The following MEGF11 variants were observed in gnomAD, a reference collection of about 807,000 sequenced individuals.
MEGF11 encodes the protein multiple epidermal growth factor-like domains protein 11.
Under a neutral mutation model 146.6 loss-of-function variants are expected in MEGF11, and 126 were observed. The observed-to-expected ratio is 0.86, with a 90% confidence interval of 0.74 to 1.00. The LOEUF is 1.00. Among genes scored for constraint, MEGF11 ranks in the 50% least tolerant of loss-of-function variants. MEGF11 has a pLI of 0.00. For missense variants in MEGF11, 1,509 were observed against 1,521.2 expected (o/e 0.99, Z 0.13); for synonymous variants, 532 against 583.4 (o/e 0.91, Z 1.27).
intron 2 of MEGF11, among the ~76,000 whole-genome samples, chr15:66,126,359 C>T (rs1177506691): frequency 6.6e-6 from 1 of 152,340 alleles, no homozygotes; most frequent in Non-Finnish European, 1.5e-5. Context: ...CCCAGAGAGT[C>T]CCCAGACCTC....
At chr15:66,198,010 A>G (rs11632965) in intron 1 of MEGF11, among the ~76,000 whole-genome samples, 1 of 152,216 alleles carries the variant, frequency 6.6e-6, no homozygotes, top group South Asian at 2.1e-4. Flanking sequence ...GGATCGCTAG[A>G]GCTCAGGAGT....
intron 3 of MEGF11, among the ~76,000 whole-genome samples, chr15:66,122,625 C>T (rs1462024068): frequency 2.0e-5 from 3 of 152,216 alleles, no homozygotes; most frequent in Non-Finnish European, 2.9e-5. Flanking sequence ...AACAGCTAGT[C>T]TCTCACCCTT....
chr15:65,898,441 CTG>C (rs1004717659), intron 25 of MEGF11: 15 of 981,626 alleles, frequency 1.5e-5, no homozygotes, highest in African/African-American at 5.3e-5. Context: ...TATCAACAAT[CTG>C]TGTGTGTGTG....
Position 65,929,742 on chromosome 15 carries a change from T to C in MEGF11, c.1550A>G (p.Asp517Gly). The C allele has an allele frequency of 6.4e-7, 1 of 1,552,046 alleles. No homozygotes were observed. Among genetic ancestry groups the C allele is most frequent in the Non-Finnish European group, 8.7e-7 (1 of 1,147,290 alleles). Residue 517 changes from aspartate to glycine, a missense_variant, in exon 12 of 26, where the codon GAC becomes GGC. Physicochemically the swap from Asp to Gly is moderately conservative, Grantham distance 94 (BLOSUM62 -1). Transcript: ENST00000395614. The part of the protein sequence containing the change: ...SCSCTPGWLG[D>G]TCELPCPDGT... ...CACCGGGCAAGGCAGCTCACAGGTG[T>C]CTCCCAGCCAGCCAGGAGTGCAGGA...
intron 7 of MEGF11, among the ~76,000 whole-genome samples, chr15:65,972,219 G>C (rs1777092421): frequency 6.6e-6 from 1 of 152,202 alleles, no homozygotes; most frequent in South Asian, 2.1e-4. Flanking sequence ...CAGTAGAACA[G>C]AGAAAATAGA....
chr15:66,199,275 A>T (rs1401153675), intron 1 of MEGF11, among the ~76,000 whole-genome samples: 1 of 152,232 alleles, frequency 6.6e-6, no homozygotes, highest in African/African-American at 2.4e-5. Context: ...AACTTCTTTT[A>T]TAAAGAGCAG....
At chr15:65,951,248 C>T (rs573841975) in intron 10 of MEGF11, among the ~76,000 whole-genome samples, 9 of 152,176 alleles carry the variant, frequency 5.9e-5, no homozygotes, top group South Asian at 2.1e-4. Context: ...TTCATAGATG[C>T]GATAGGGACT....
chr15:66,191,661 A>C (rs2090882461), intron 1 of MEGF11, among the ~76,000 whole-genome samples: 1 of 152,230 alleles, frequency 6.6e-6, no homozygotes, highest in African/African-American at 2.4e-5. Context: ...CAGCGGCCTC[A>C]GAGCAAGCCA....
At chr15:66,170,146 T>C (rs753434332) in intron 1 of MEGF11, among the ~76,000 whole-genome samples, 4 of 152,122 alleles carry the variant, frequency 2.6e-5, no homozygotes, top group Non-Finnish European at 4.4e-5. Flanking sequence ...ACAATAATAA[T>C]AGCAACAGGA....
intron 1 of MEGF11, among the ~76,000 whole-genome samples, chr15:66,156,695 G>A (rs1410351423): frequency 1.3e-5 from 2 of 152,120 alleles, no homozygotes; most frequent in Admixed American, 1.3e-4. Flanking sequence ...GTTAACCAGG[G>A]CTAGACACTA....
intron 5 of MEGF11, among the ~76,000 whole-genome samples, chr15:66,008,848 A>T (rs1193484405): frequency 1.3e-5 from 2 of 151,684 alleles, no homozygotes; most frequent in Non-Finnish European, 2.9e-5. Context: ...AAAATAGTTA[A>T]AGGGGCTATA....
intron 5 of MEGF11, among the ~76,000 whole-genome samples, chr15:66,034,475 A>G (rs1387215181): frequency 6.6e-6 from 1 of 151,306 alleles, no homozygotes; most frequent in Non-Finnish European, 1.5e-5. Context: ...GCTGGAGTAC[A>G]GTGGTGTGAT....
chr15:65,983,810 G>A (rs1004337310), intron 5 of MEGF11, among the ~76,000 whole-genome samples: 1 of 152,138 alleles, frequency 6.6e-6, no homozygotes, highest in Admixed American at 6.5e-5. Context: ...GACTGGGAAG[G>A]TGTCACTGGG....
At chr15:66,122,177 T>C (rs2088061715) in intron 3 of MEGF11, among the ~76,000 whole-genome samples, 1 of 151,898 alleles carries the variant, frequency 6.6e-6, no homozygotes, top group Admixed American at 6.6e-5. Context: ...GGCAGGAGAA[T>C]TGCTTGAACC....
intron 13 of MEGF11, among the ~76,000 whole-genome samples, chr15:65,927,050 A>T (rs1220925306): frequency 6.6e-6 from 1 of 152,138 alleles, no homozygotes; most frequent in Non-Finnish European, 1.5e-5. Context: ...TTATCTGAGA[A>T]CCTATACTGC....
At chr15:65,947,037 A>G (rs987732619) in intron 10 of MEGF11, among the ~76,000 whole-genome samples, 1 of 152,160 alleles carries the variant, frequency 6.6e-6, no homozygotes, top group Admixed American at 6.5e-5. Flanking sequence ...TAACTTTTAA[A>G]TAGATTTTTT....
intron 5 of MEGF11, among the ~76,000 whole-genome samples, chr15:66,041,179 A>G (rs2083960310): frequency 6.6e-6 from 1 of 152,238 alleles, no homozygotes; most frequent in African/African-American, 2.4e-5. Flanking sequence ...GGGCAGGAAC[A>G]GTTCTTCCTG....
At chr15:65,923,598 A>G (rs937912806) in intron 13 of MEGF11, among the ~76,000 whole-genome samples, 1 of 152,206 alleles carries the variant, frequency 6.6e-6, no homozygotes, top group Non-Finnish European at 1.5e-5. Flanking sequence ...CAAAAATTAC[A>G]TTTACTGTCA....
chr15:66,050,338 G>A (rs1225895553), intron 5 of MEGF11, among the ~76,000 whole-genome samples: 3 of 151,694 alleles, frequency 2.0e-5, no homozygotes, highest in Non-Finnish European at 4.4e-5. Flanking sequence ...GGGAAGAGGG[G>A]GCTGGGGTAG....
Sources: gnomAD v4.1 joint callset for allele counts (sites outside exome capture counted in the v4.1 genomes callset) on GRCh38, gnomAD v4.1.1 for gene constraint, MANE v1.5 for transcripts, NCBI Gene and HGNC (gene_info 2026-07-23, HGNC 2026-07-21) for gene names.